CSMD3: variants seen among roughly 807,000 people sequenced by gnomAD.
CSMD3 encodes the protein CUB and Sushi multiple domains 3, also known as CUB and sushi domain-containing protein 3.
CSMD3 carries 177 observed loss-of-function variants against 435.2 expected under a neutral mutation model. The observed-to-expected ratio is 0.41, with a 90% CI of 0.36 to 0.46. The LOEUF (loss-of-function observed/expected upper bound fraction) is 0.46, where lower values mean the gene tolerates loss of function less well. Among genes scored for constraint, CSMD3 ranks in the 20% least tolerant of loss-of-function variants. The pLI, the probability that CSMD3 is intolerant of heterozygous loss-of-function variation, is 0.34. For missense variants in CSMD3, 4,265 were observed against 4,504.6 expected, an observed-to-expected ratio of 0.95 and a Z score of 1.52; for synonymous variants, 1,656 against 1,520.5, an observed-to-expected ratio of 1.09 and a Z score of -2.07.
At chr8:112,281,924 G>T (rs535855357) in intron 58 of CSMD3, among the ~76,000 whole-genome samples, 1 of 152,000 alleles carries the variant, frequency 6.6e-6, no homozygotes, top group Non-Finnish European at 1.5e-5. Context: ...ATTAGTAATC[G>T]TTTTCATTAA....
chr8:112,493,589 T>C (rs722284), intron 30 of CSMD3, among the ~76,000 whole-genome samples: 2 of 152,162 alleles, frequency 1.3e-5, no homozygotes, highest in African/African-American at 2.4e-5. Flanking sequence ...AGATTTTCTA[T>C]CCCTATGCAA....
chr8:113,177,221 T>C lies in CSMD3; in HGVS notation c.515-3305A>G, dbSNP rs539272838. The stretch of plus-strand genomic sequence containing the variant: ...TATACCTAAAAGCAGAGTTGCAAAA[T>C]ATAAAATAATTATTAAATGTATGTT... On this transcript the variant is annotated intron_variant, in intron 3 of 70. Coordinates refer to ENST00000297405, the MANE Select transcript of CSMD3 (RefSeq NM_198123.2). Among the ~76,000 whole-genome samples the C allele has an allele frequency of 7.0e-4, 106 of 150,378 alleles. 2 individuals carry two copies. The South Asian group carries it at 0.019, about 27-fold the overall frequency.
At chr8:112,942,847 T>G (rs1344837857) in intron 9 of CSMD3, among the ~76,000 whole-genome samples, 1 of 151,746 alleles carries the variant, frequency 6.6e-6, no homozygotes, top group Non-Finnish European at 1.5e-5. Context: ...ACAACCTGTA[T>G]GTATAGCCCT....
chr8:113,098,346 T>C (rs1489627390), intron 5 of CSMD3, among the ~76,000 whole-genome samples: 4 of 152,068 alleles, frequency 2.6e-5, no homozygotes, highest in Non-Finnish European at 5.9e-5. Context: ...AGACCATACC[T>C]TGAGTTTCTA....
chr8:112,535,445 C>T (rs1163715013), intron 27 of CSMD3, among the ~76,000 whole-genome samples: 1 of 151,000 alleles, frequency 6.6e-6, no homozygotes, highest in Non-Finnish European at 1.5e-5. Flanking sequence ...AATAAAATAC[C>T]TAGGAATCCA....
intron 32 of CSMD3, among the ~76,000 whole-genome samples, chr8:112,418,659 C>T (rs1170781799): frequency 6.6e-6 from 1 of 152,040 alleles, no homozygotes; most frequent in African/African-American, 2.4e-5. Context: ...ATCAGAAAGC[C>T]AGAATCTTAA....
chr8:113,095,474 A>G (rs527465122), intron 5 of CSMD3, among the ~76,000 whole-genome samples: 10 of 152,256 alleles, frequency 6.6e-5, no homozygotes, highest in Middle Eastern at 3.4e-3. Flanking sequence ...GGAGTTACCC[A>G]ATGACCTCTA....
chr8:112,766,097 G>A (rs1165993627), intron 13 of CSMD3, among the ~76,000 whole-genome samples: 2 of 151,628 alleles, frequency 1.3e-5, no homozygotes, highest in African/African-American at 2.4e-5. Context: ...TGAAGAAAAG[G>A]TCTCACTTCT....
chr8:112,538,287 A>C (rs1419373702), intron 27 of CSMD3, among the ~76,000 whole-genome samples: 2 of 152,120 alleles, frequency 1.3e-5, no homozygotes, highest in Non-Finnish European at 2.9e-5. Flanking sequence ...ATCTGGAACA[A>C]GACAAGGCCA....
chr8:112,259,846 A>G (rs1003821621), intron 61 of CSMD3, among the ~76,000 whole-genome samples: 1 of 152,168 alleles, frequency 6.6e-6, no homozygotes, highest in African/African-American at 2.4e-5. Context: ...AGTGAACATC[A>G]TCAATGGGCA....
At chr8:113,299,436 G>A (rs181555661) in intron 2 of CSMD3, among the ~76,000 whole-genome samples, 1 of 152,218 alleles carries the variant, frequency 6.6e-6, no homozygotes, top group Admixed American at 6.5e-5. Context: ...AGATTCCATG[G>A]TCTAGAAATC....
At chr8:112,944,289 C>G (rs1312727775) in intron 9 of CSMD3, among the ~76,000 whole-genome samples, 1 of 151,616 alleles carries the variant, frequency 6.6e-6, no homozygotes, top group African/African-American at 2.4e-5. Context: ...AGCATCTCTT[C>G]TCCACTTCTC....
chr8:112,619,780 T>C (rs908869871), intron 22 of CSMD3, among the ~76,000 whole-genome samples: 2 of 147,312 alleles, frequency 1.4e-5, no homozygotes, highest in Non-Finnish European at 3.0e-5. Context: ...TTCATTATCA[T>C]ACAAACATGT....
chr8:112,656,947 T>A (rs1322387749), intron 17 of CSMD3, among the ~76,000 whole-genome samples: 2 of 152,124 alleles, frequency 1.3e-5, no homozygotes, highest in Non-Finnish European at 2.9e-5. Flanking sequence ...TATTAAAGAC[T>A]TCATTGACAT....
intron 13 of CSMD3, among the ~76,000 whole-genome samples, chr8:112,782,057 A>G (rs1181252334): frequency 6.6e-6 from 1 of 152,124 alleles, no homozygotes; most frequent in Non-Finnish European, 1.5e-5. Context: ...CACAAACATC[A>G]AGACCATTCA....
At chr8:112,241,078 T>C (rs1586500157) in intron 66 of CSMD3, among the ~76,000 whole-genome samples, 1 of 152,206 alleles carries the variant, frequency 6.6e-6, no homozygotes, top group East Asian at 1.9e-4. Flanking sequence ...TATTGAGCCC[T>C]TACTATGGGC....
intron 40 of CSMD3, among the ~76,000 whole-genome samples, chr8:112,346,627 G>A (rs975719052): frequency 1.4e-5 from 2 of 139,662 alleles, no homozygotes; most frequent in Non-Finnish European, 3.0e-5. Context: ...TCTAAGTACT[G>A]TATTCAAGAG....
At chr8:112,724,791 A>G (rs1202654537) in intron 13 of CSMD3, among the ~76,000 whole-genome samples, 4 of 152,090 alleles carry the variant, frequency 2.6e-5, no homozygotes, top group Non-Finnish European at 4.4e-5. Context: ...ATTAACATTA[A>G]GTGATCAGAC....
intron 13 of CSMD3, among the ~76,000 whole-genome samples, chr8:112,743,804 G>T (rs1331276178): frequency 6.6e-6 from 1 of 151,862 alleles, no homozygotes; most frequent in Non-Finnish European, 1.5e-5. Context: ...AAATCGTTCT[G>T]ATAAACACCT....
Sources: gnomAD v4.1 joint callset for allele counts (sites outside exome capture counted in the v4.1 genomes callset) on GRCh38, gnomAD v4.1.1 for gene constraint, MANE v1.5 for transcripts, NCBI Gene and HGNC (gene_info 2026-07-23, HGNC 2026-07-21) for gene names.